CUL1: variants seen among roughly 807,000 people sequenced by gnomAD.
The protein encoded by CUL1 is cullin-1.
A neutral mutation model predicts 118.0 loss-of-function variants in CUL1; 24 were observed. That is an observed-to-expected ratio of 0.20 (90% CI 0.15 to 0.29). The LOEUF (loss-of-function observed/expected upper bound fraction) is 0.29, where lower values mean the gene tolerates loss of function less well. Among genes scored for constraint, CUL1 ranks in the 10% least tolerant of loss-of-function variants. CUL1 has a pLI of 1.00. For missense variants in CUL1, 361 were observed against 933.8 expected (o/e 0.39, Z 7.99); for synonymous variants, 332 against 340.4 (o/e 0.98, Z 0.27).
rs889285693 is a variant in CUL1, at chr7:148,797,299, G to T, written c.1900-513G>T. On this transcript the variant is annotated intron_variant, in intron 17 of 21. Coordinates refer to ENST00000325222, the MANE Select transcript of CUL1 (RefSeq NM_003592.3). ...GAAGAGTTCCTGAAGATTTCATTGT[G>T]CATGGTTTCCAATACAGGTTCAACA... 2.0e-5 allele frequency among the ~76,000 whole-genome samples: 3 copies of T among 150,858 alleles called. No individual in the cohort carries two copies. In the Admixed American group the frequency reaches 2.0e-4, roughly 10 times the overall value.
chr7:148,785,218 T>G (rs563969758), intron 11 of CUL1, among the ~76,000 whole-genome samples: 1 of 152,292 alleles, frequency 6.6e-6, no homozygotes, highest in African/African-American at 2.4e-5. Context: ...ATTTAACAAT[T>G]GCGATCAGAT....
chr7:148,703,214 A>G (rs994806541), intron 1 of CUL1, among the ~76,000 whole-genome samples: 1 of 152,236 alleles, frequency 6.6e-6, no homozygotes, highest in African/African-American at 2.4e-5. Flanking sequence ...TTCATTATGC[A>G]GAACTGTGAT....
chr7:148,703,980 C>T (rs545369404), intron 1 of CUL1, among the ~76,000 whole-genome samples: 2 of 152,052 alleles, frequency 1.3e-5, no homozygotes, highest in Non-Finnish European at 2.9e-5. Context: ...TAACACCAAG[C>T]ACGGGAACTG....
At chr7:148,790,828 C>T (rs1584821193) in intron 16 of CUL1, among the ~76,000 whole-genome samples, 1 of 152,286 alleles carries the variant, frequency 6.6e-6, no homozygotes, top group Non-Finnish European at 1.5e-5. Context: ...AGCTCTCCAC[C>T]TTACACAGAG....
intron 8 of CUL1, 49 bp from the exon 9 acceptor site, chr7:148,767,570 A>G (rs1421157289): frequency 1.3e-6 from 2 of 1,560,912 alleles, no homozygotes; most frequent in East Asian, 2.2e-5. Context: ...AGTAGAATGG[A>G]TATGCAAAAT....
Position 148,800,503 on chromosome 7 carries a change from A to G in CUL1, c.2252A>G (p.Lys751Arg), listed in dbSNP as rs1365947639. The change falls in exon 22 of 22, where the codon AAA (lysine) becomes AGA (arginine). Residue 751 changes from lysine to arginine, a missense_variant and splice_region_variant. Lys to Arg is a conservative substitution (Grantham distance 26, BLOSUM62 2). This residue lies in a region of CUL1 where 24 missense variants were observed against 126.7 expected (regional missense o/e 0.19). Transcript: ENST00000325222. This position sits in a 1 kb window ranked among gnomAD's most constrained non-coding sequence, Gnocchi z 4.6. ...RFKPRVPVIK[K>R]CIDILIEKEY... Reference sequence around the variant, plus strand: ...TTCCTTTTTAAAAATAACACCCAGAAATGCATTGACATTCTAATTGAGAAA... The same window carrying G: ...TTCCTTTTTAAAAATAACACCCAGAGATGCATTGACATTCTAATTGAGAAA... The G allele has an allele frequency of 6.2e-7, 1 of 1,612,242 alleles. No individual in the cohort carries two copies. Among genetic ancestry groups the G allele is most frequent in the African/African-American group, 1.3e-5 (1 of 74,960 alleles).
At chr7:148,698,598 C>G (rs148682270), upstream of CUL1, 1 of 151,808 alleles carries the variant, frequency 6.6e-6, no homozygotes, top group Non-Finnish European at 1.5e-5. Flanking sequence ...CCCCCGGGGC[C>G]GCCGGCAGCG....
At chr7:148,769,453 C>T (rs922339008) in intron 9 of CUL1, among the ~76,000 whole-genome samples, 18 of 123,430 alleles carry the variant, frequency 1.5e-4, no homozygotes, top group African/African-American at 4.5e-4. Flanking sequence ...ACACACAAAA[C>T]GCTCACCCTC....
intron 9 of CUL1, among the ~76,000 whole-genome samples, chr7:148,778,439 G>C (rs149887131): frequency 1.3e-5 from 2 of 152,284 alleles, no homozygotes; most frequent in Non-Finnish European, 2.9e-5. Flanking sequence ...CAAGTGCATG[G>C]TCTGCACACA....
intron 8 of CUL1, among the ~76,000 whole-genome samples, chr7:148,767,355 T>G (rs1418218387): frequency 6.6e-6 from 1 of 152,068 alleles, no homozygotes. Flanking sequence ...AGTCTTAAGT[T>G]AGTGGTTTCT....
chr7:148,754,399 CTGG>C (rs1799591649), intron 3 of CUL1, among the ~76,000 whole-genome samples: 2 of 151,938 alleles, frequency 1.3e-5, no homozygotes, highest in Non-Finnish European at 2.9e-5. Context: ...TTTTGATCTC[CTGG>C]GCTCAAGTGA....
intron 1 of CUL1, among the ~76,000 whole-genome samples, chr7:148,721,119 T>A (rs1462901623): frequency 6.6e-6 from 1 of 152,200 alleles, no homozygotes; most frequent in Non-Finnish European, 1.5e-5. Context: ...TCTGAGTGGC[T>A]TAGAGTATCC....
At chr7:148,777,401 A>G (rs1239823770) in intron 9 of CUL1, among the ~76,000 whole-genome samples, 1 of 152,260 alleles carries the variant, frequency 6.6e-6, no homozygotes, top group African/African-American at 2.4e-5. Context: ...CTGTAATCCC[A>G]GCACTTTGGG....
chr7:148,755,840 C>G (rs1232205988), intron 3 of CUL1, among the ~76,000 whole-genome samples: 3 of 152,210 alleles, frequency 2.0e-5, no homozygotes, highest in Admixed American at 6.5e-5. Flanking sequence ...TGTTTGGTCA[C>G]TCGTGTACCT....
intron 11 of CUL1, among the ~76,000 whole-genome samples, chr7:148,786,210 T>C (rs1200809998): frequency 6.6e-6 from 1 of 152,240 alleles, no homozygotes; most frequent in Non-Finnish European, 1.5e-5. Context: ...TACAGCAGAC[T>C]AGAAAGCAAT....
intron 2 of CUL1, among the ~76,000 whole-genome samples, chr7:148,734,899 C>G (rs896250822): frequency 1.3e-5 from 2 of 152,164 alleles, no homozygotes; most frequent in African/African-American, 4.8e-5. Context: ...TCAGTTTAAA[C>G]TTTCATGTTG....
rs1459274565 is a variant in CUL1 at position 148,776,307 on chromosome 7, C to T, written c.1084-7476C>T. Among the ~76,000 whole-genome samples the T allele has an allele frequency of 4.4e-3, 178 of 40,640 alleles. 2 individuals carry two copies. Among genetic ancestry groups the T allele is most frequent in the Middle Eastern group, 0.036 (1 of 28 alleles). The allele number at this position is 40,640 out of a possible 152,430, so 26.7% of individuals were successfully genotyped here. A position where few individuals can be genotyped will look rare whatever the true frequency, so the allele number is the denominator to read the frequency against. On this transcript the variant is annotated intron_variant, in intron 9 of 21. Coordinates refer to ENST00000325222, the MANE Select transcript of CUL1 (RefSeq NM_003592.3). ...CATTTTGGAGTCTAACATAACCAGG[C>T]TTTTTTTTTTTTTTTTTTTTTTTTT... is the stretch of plus-strand genomic sequence containing the variant.
Position 148,800,612 on chromosome 7 carries a change from C to G in CUL1, c.*30C>G. On this transcript the variant is annotated 3_prime_UTR_variant, in exon 22 of 22. Coordinates refer to ENST00000325222, the MANE Select transcript of CUL1 (RefSeq NM_003592.3). The surrounding 1 kb of genome is among the most constrained non-coding windows in gnomAD (Gnocchi z 4.6). ...TCTGGAAGGGTCTGACTGTGTGACC[C>G]GCAGCAAATAGTTCATGTTGGAAAG... 1 of 1,522,738 alleles carries G rather than the reference C, an allele frequency of 6.6e-7. No individual in the cohort carries two copies. The highest frequency in any genetic ancestry group is 9.1e-7 in the Non-Finnish European group (1 of 1,100,124). 94.3% of individuals were successfully genotyped at this position (1,522,738 alleles called of 1,614,324 possible).
intron 1 of CUL1, among the ~76,000 whole-genome samples, chr7:148,726,286 G>T (rs922218325): frequency 6.6e-6 from 1 of 151,924 alleles, no homozygotes; most frequent in African/African-American, 2.4e-5. Context: ...ATTTTATTTG[G>T]TATATTTTAA....
Sources: gnomAD v4.1 joint callset for allele counts (sites outside exome capture counted in the v4.1 genomes callset) on GRCh38, gnomAD v4.1.1 for gene constraint, gnomAD v4.1.1 regional missense constraint, Gnocchi (gnomAD v3.1) non-coding constraint, MANE v1.5 for transcripts, NCBI Gene and HGNC (gene_info 2026-07-23, HGNC 2026-07-21) for gene names.